WWOX: variants seen among roughly 807,000 people sequenced by gnomAD.
WWOX encodes WW domain-containing oxidoreductase.
Under a neutral mutation model 46.2 loss-of-function variants are expected in WWOX, and 69 were observed. The observed-to-expected ratio is 1.49, with a 90% confidence interval of 1.23 to 1.82. The LOEUF is 1.82. WWOX is among the 40% of genes most tolerant of loss of function. The pLI is 0.00. For synonymous variants in WWOX, 359 were observed against 202.6 expected (o/e 1.77, Z -6.56); for missense variants, 919 against 542.6 (o/e 1.69, Z -6.89).
At chr16:78,137,494 A>T (rs2033839425) in intron 4 of WWOX, among the ~76,000 whole-genome samples, 1 of 152,144 alleles carries the variant, frequency 6.6e-6, no homozygotes, top group Admixed American at 6.5e-5. Context: ...GTCCATGAGG[A>T]ATTTCCTTAC....
intron 8 of WWOX, among the ~76,000 whole-genome samples, chr16:78,643,096 C>G (rs953995427): frequency 1.3e-5 from 2 of 152,114 alleles, no homozygotes; most frequent in African/African-American, 4.8e-5. Context: ...AGGTGCTCTC[C>G]ATTGTTTACC....
chr16:78,483,866 C>T (rs1437840586), intron 8 of WWOX, among the ~76,000 whole-genome samples: 2 of 152,116 alleles, frequency 1.3e-5, no homozygotes, highest in Non-Finnish European at 2.9e-5. Flanking sequence ...CAAGCATTGA[C>T]TTTGCTCACA....
At chr16:78,397,424 T>C (rs566570248) in intron 6 of WWOX, among the ~76,000 whole-genome samples, 28 of 152,308 alleles carry the variant, frequency 1.8e-4, no homozygotes, top group African/African-American at 6.3e-4. Context: ...CAGTGTTTAA[T>C]GGTTCAGCCT....
chr16:79,035,783 A>G (rs955754446), intron 8 of WWOX, among the ~76,000 whole-genome samples: 1 of 152,022 alleles, frequency 6.6e-6, no homozygotes, highest in South Asian at 2.1e-4. Context: ...AGGTGTTCCA[A>G]GAACAAAAGG....
chr16:79,125,129 TCA>T (rs2049724056), intron 8 of WWOX, among the ~76,000 whole-genome samples: 2 of 151,940 alleles, frequency 1.3e-5, no homozygotes, highest in African/African-American at 2.4e-5. Context: ...TATCCATTTC[TCA>T]GTTTGAAAAG....
chr16:78,775,968 C>G (rs187972741), intron 8 of WWOX, among the ~76,000 whole-genome samples: 1 of 152,210 alleles, frequency 6.6e-6, no homozygotes, highest in Non-Finnish European at 1.5e-5. Flanking sequence ...CCTGTGATGA[C>G]TGACACTTAC....
chr16:78,562,102 C>G (rs2044453888), intron 8 of WWOX, among the ~76,000 whole-genome samples: 1 of 152,184 alleles, frequency 6.6e-6, no homozygotes, highest in Admixed American at 6.5e-5. Context: ...GCCCTTTTCT[C>G]AGATAGAGTT....
At position 78,966,177 on chromosome 16, in the gene WWOX, C is replaced by T. The variant is rs137908191; in HGVS notation, c.1057-245431C>T. Among the ~76,000 whole-genome samples the T allele has an allele frequency of 2.0e-3, 307 of 152,192 alleles. 1 individual carries two copies. Among genetic ancestry groups the T allele is most frequent in the African/African-American group, 6.9e-3 (287 of 41,522 alleles). ...AATCCCATGATATAATTTATTTTTC[C>T]GTGTGAAATATCTCAGGAACAAAAA... is the stretch of plus-strand genomic sequence containing the variant. On this transcript the variant is annotated intron_variant, in intron 8 of 8. Transcript: ENST00000566780.
chr16:78,363,364 C>A (rs973332872), intron 5 of WWOX, among the ~76,000 whole-genome samples: 1 of 151,904 alleles, frequency 6.6e-6, no homozygotes, highest in African/African-American at 2.4e-5. Flanking sequence ...GCCCCAAACT[C>A]CCAAGCTCCA....
intron 8 of WWOX, among the ~76,000 whole-genome samples, chr16:78,931,185 C>G (rs2045616508): frequency 6.6e-6 from 1 of 152,180 alleles, no homozygotes; most frequent in Non-Finnish European, 1.5e-5. Flanking sequence ...CATCCGTAGA[C>G]AGTTACCACA....
At chr16:78,118,123 GA>G (rs2032901810) in intron 4 of WWOX, among the ~76,000 whole-genome samples, 1 of 151,478 alleles carries the variant, frequency 6.6e-6, no homozygotes. Context: ...TAAAGAAGGG[GA>G]CATCCCTCCC....
intron 8 of WWOX, among the ~76,000 whole-genome samples, chr16:79,183,275 C>T (rs2050948568): frequency 6.6e-6 from 1 of 152,192 alleles, no homozygotes; most frequent in Non-Finnish European, 1.5e-5. Flanking sequence ...GTCAAGGCTC[C>T]CTGTGAGGCT....
At chr16:78,765,802 C>G (rs979187899) in intron 8 of WWOX, among the ~76,000 whole-genome samples, 1 of 152,196 alleles carries the variant, frequency 6.6e-6, no homozygotes, top group Non-Finnish European at 1.5e-5. Flanking sequence ...TGTCAGAGAA[C>G]TCATCGCACT....
At chr16:78,697,604 C>A (rs764575092) in intron 8 of WWOX, among the ~76,000 whole-genome samples, 5 of 152,112 alleles carry the variant, frequency 3.3e-5, no homozygotes, top group Non-Finnish European at 5.9e-5. Flanking sequence ...CATGAATAGA[C>A]AGTTCTCAAA....
At chr16:79,008,345 C>G (rs1048872863) in intron 8 of WWOX, among the ~76,000 whole-genome samples, 3 of 152,186 alleles carry the variant, frequency 2.0e-5, no homozygotes, top group Non-Finnish European at 2.9e-5. Flanking sequence ...AGATCAGTCC[C>G]ACTTAGGATT....
At chr16:78,610,940 A>G (rs2151630168) in intron 8 of WWOX, among the ~76,000 whole-genome samples, 1 of 152,270 alleles carries the variant, frequency 6.6e-6, no homozygotes, top group East Asian at 1.9e-4. Flanking sequence ...AACGAACGGA[A>G]TTTCAGAGAC....
At chr16:78,994,941 TTTTC>T (rs1555508628) in intron 8 of WWOX, among the ~76,000 whole-genome samples, 1 of 150,730 alleles carries the variant, frequency 6.6e-6, no homozygotes, top group South Asian at 2.1e-4. Context: ...AGCCTTTTTT[TTTTC>T]TTTCTTTTCT....
intron 8 of WWOX, among the ~76,000 whole-genome samples, chr16:78,446,653 T>C (rs1183334877): frequency 1.4e-5 from 2 of 146,074 alleles, no homozygotes; most frequent in South Asian, 2.1e-4. Flanking sequence ...GTACCAAGTG[T>C]ATACTTTTTT....
At chr16:78,549,919 T>G (rs2151541109) in intron 8 of WWOX, among the ~76,000 whole-genome samples, 1 of 151,570 alleles carries the variant, frequency 6.6e-6, no homozygotes, top group South Asian at 2.1e-4. Context: ...CAGAGTTGAC[T>G]GAGAAAAAAG....
Sources: allele counts gnomAD v4.1 joint callset (sites outside exome capture counted in the v4.1 genomes callset), GRCh38; gene constraint gnomAD v4.1.1; transcripts MANE v1.5; gene names NCBI Gene and HGNC (gene_info 2026-07-23, HGNC 2026-07-21).